Variants in SYNE2 observed in about 807,000 individuals in gnomAD.
The protein encoded by SYNE2 is nesprin-2.
A neutral mutation model predicts 856.3 loss-of-function variants in SYNE2; 431 were observed. The ratio of observed to expected loss-of-function variants is 0.50; its 90% CI spans 0.47 to 0.55. SYNE2 has a LOEUF of 0.55. Ranked by LOEUF, SYNE2 falls within the 20% of genes least tolerant of loss-of-function variation. The pLI, the probability that SYNE2 is intolerant of heterozygous loss-of-function variation, is 0.00. For missense variants in SYNE2, 8,129 were observed against 8,023.2 expected (o/e 1.01, Z -0.50); for synonymous variants, 2,923 against 2,872.3 (o/e 1.02, Z -0.56).
At chr14:64,208,999 A>G (rs1291574619) in intron 101 of SYNE2, 54 bp downstream of exon 101, 3 of 1,573,858 alleles carry the variant, frequency 1.9e-6, no homozygotes, top group South Asian at 1.1e-5. Context: ...AACTCAATAC[A>G]CCCTTCTGAC....
At chr14:64,181,225 A>G (rs1410036498) in intron 96 of SYNE2, among the ~76,000 whole-genome samples, 2 of 152,182 alleles carry the variant, frequency 1.3e-5, no homozygotes, top group Admixed American at 6.5e-5. Flanking sequence ...TCACTGTTAA[A>G]TGTGATATTT....
At chr14:64,215,686 G>C in intron 107 of SYNE2, 1 of 456,918 alleles carries the variant, frequency 2.2e-6, no homozygotes, top group South Asian at 2.7e-5. Flanking sequence ...ATGGTGGCTT[G>C]GTTTGGAACT....
At chr14:64,224,057 AT>A (rs1369986185) in intron 113 of SYNE2, among the ~76,000 whole-genome samples, 1 of 151,902 alleles carries the variant, frequency 6.6e-6, no homozygotes, top group African/African-American at 2.4e-5. Context: ...TTCAGGAAAG[AT>A]TTAAGGCTGG....
At chr14:64,092,769 T>C (rs138539419) in intron 60 of SYNE2, among the ~76,000 whole-genome samples, 48 of 152,340 alleles carry the variant, frequency 3.2e-4, no homozygotes, top group African/African-American at 1.1e-3. Context: ...GGTATTGTTC[T>C]GGTTAGTTCT....
intron 9 of SYNE2, among the ~76,000 whole-genome samples, chr14:63,962,508 T>G (rs1364525351): frequency 6.6e-6 from 1 of 152,226 alleles, no homozygotes; most frequent in African/African-American, 2.4e-5. Context: ...TGAGCACATT[T>G]CCGGTTTGCC....
At chr14:64,153,056 T>C (rs562634172) in intron 85 of SYNE2, among the ~76,000 whole-genome samples, 27 of 152,322 alleles carry the variant, frequency 1.8e-4, no homozygotes, top group Admixed American at 1.3e-3. Flanking sequence ...GAAACAGTGA[T>C]GAAGCAGTGT....
intron 19 of SYNE2, among the ~76,000 whole-genome samples, chr14:63,989,699 G>A (rs1235707401): frequency 6.6e-6 from 1 of 152,098 alleles, no homozygotes; most frequent in Non-Finnish European, 1.5e-5. Context: ...CACCCAGGCT[G>A]GAGTTCAGGA....
rs535888509 is a variant in SYNE2 at position 64,225,241 on chromosome 14, A to G, written c.20517-78A>G. On this transcript the variant is annotated intron_variant, in intron 115 of 115. Coordinates refer to ENST00000555002, the MANE Select transcript of SYNE2 (RefSeq NM_182914.3). ...CTCAGGTCTTGGATTTCTTACTTACATAAGCAGGGGCTTAGGTAATAGAGT... is the reference window on the plus strand; with the variant it reads ...CTCAGGTCTTGGATTTCTTACTTACGTAAGCAGGGGCTTAGGTAATAGAGT... 4.4e-6 allele frequency: 7 copies of G among 1,603,822 alleles called. No individual in the cohort carries two copies. The South Asian group carries it at 7.7e-5, about 18-fold the overall frequency.
intron 103 of SYNE2, among the ~76,000 whole-genome samples, chr14:64,210,819 C>T (rs547005471): frequency 6.6e-6 from 1 of 152,210 alleles, no homozygotes; most frequent in Admixed American, 6.5e-5. Context: ...TCTGGGCTTT[C>T]TTTCTTTTCT....
At chr14:63,956,981 C>G (rs571776286) in intron 8 of SYNE2, among the ~76,000 whole-genome samples, 1 of 152,160 alleles carries the variant, frequency 6.6e-6, no homozygotes, top group Admixed American at 6.5e-5. Flanking sequence ...CCCTAACCCC[C>G]CCATGCCCCA....
intron 54 of SYNE2, among the ~76,000 whole-genome samples, 178 bp from the exon 55 acceptor site, chr14:64,078,288 G>T (rs141648501): frequency 3.3e-4 from 50 of 152,236 alleles, no homozygotes; most frequent in African/African-American, 1.2e-3. Context: ...AAACACACCT[G>T]CCATTTATTA....
At chr14:64,040,539 A>C (rs1426941866) in intron 45 of SYNE2, among the ~76,000 whole-genome samples, 1 of 150,560 alleles carries the variant, frequency 6.6e-6, no homozygotes, top group Non-Finnish European at 1.5e-5. Context: ...TGAGAAAATT[A>C]TCACAAAATC....
intron 96 of SYNE2, 80 bp downstream of exon 96, chr14:64,177,563 T>A (rs45564135): frequency 1.6e-4 from 251 of 1,576,024 alleles, no homozygotes; most frequent in Non-Finnish European, 2.0e-4. Flanking sequence ...TGCCTCTTTC[T>A]GTATTGAAAC....
rs1473065397 is a variant in SYNE2, at chr14:64,126,308, T to G, written c.13555-19T>G. On this transcript the variant is annotated intron_variant, in intron 71 of 115. Transcript: ENST00000555002. Reference sequence around the variant, plus strand: ...CAAAGGTATCTTAATTTTCTTTTTCTTTTTTCCTCTTGATTCAGGAAAATA... The same window carrying G: ...CAAAGGTATCTTAATTTTCTTTTTCGTTTTTCCTCTTGATTCAGGAAAATA... 7.5e-6 allele frequency: 12 copies of G among 1,610,544 alleles called. No individual in the cohort carries two copies. The highest frequency in any genetic ancestry group is 4.0e-5 in the African/African-American group (3 of 74,838).
At chr14:64,209,316 AG>A in intron 101 of SYNE2, 111 bp from the exon 102 acceptor site, 2 of 1,542,608 alleles carry the variant, frequency 1.3e-6, no homozygotes, top group Non-Finnish European at 1.8e-6. Flanking sequence ...ATTTCCCAGA[AG>A]GGGTAACAGG....
chr14:63,840,449 TCCTCCCTC>T (rs1251523555), intron 1 of SYNE2, among the ~76,000 whole-genome samples: 4 of 30,814 alleles, frequency 1.3e-4, no homozygotes, highest in East Asian at 7.0e-4. Flanking sequence ...CTTCCTTCCT[TCCTCCCTC>T]CCTCCCTCCT....
chr14:63,928,298 C>CT (rs988751631), intron 2 of SYNE2, among the ~76,000 whole-genome samples: 42 of 152,144 alleles, frequency 2.8e-4, no homozygotes, highest in Non-Finnish European at 5.9e-5. Context: ...CAGGCACGTA[C>CT]TTTTTTCCCA....
intron 1 of SYNE2, among the ~76,000 whole-genome samples, chr14:63,844,504 T>C (rs1300797477): frequency 6.6e-6 from 1 of 152,256 alleles, no homozygotes; most frequent in African/African-American, 2.4e-5. Flanking sequence ...TTTGTGTGAA[T>C]GTAAGTATTT....
chr14:64,102,155 C>T (rs1436642292), intron 64 of SYNE2, 113 bp downstream of exon 64: 22 of 756,278 alleles, frequency 2.9e-5, no homozygotes, highest in Admixed American at 4.1e-5. Flanking sequence ...CTCGCTCTGT[C>T]GCCCAGACTG....
Sources: allele counts gnomAD v4.1 joint callset (sites outside exome capture counted in the v4.1 genomes callset), GRCh38; gene constraint gnomAD v4.1.1; transcripts MANE v1.5; gene names NCBI Gene and HGNC (gene_info 2026-07-23, HGNC 2026-07-21).